The following DLG2 variants were observed in gnomAD, a reference collection of about 807,000 sequenced individuals.
DLG2 encodes disks large homolog 2.
DLG2 carries 45 observed loss-of-function variants against 132.5 expected under a neutral mutation model. That is an observed-to-expected ratio of 0.34 (90% CI 0.27 to 0.44). The LOEUF (loss-of-function observed/expected upper bound fraction) is 0.44, where lower values mean the gene tolerates loss of function less well. Ranked by LOEUF, DLG2 falls within the 20% of genes least tolerant of loss-of-function variation. DLG2 has a pLI of 1.00. For synonymous variants in DLG2, 424 were observed against 419.6 expected (o/e 1.01, Z -0.13); for missense variants, 1,045 against 1,196.9 (o/e 0.87, Z 1.87).
intron 7 of DLG2, among the ~76,000 whole-genome samples, chr11:84,432,342 A>G (rs1056395673): frequency 3.9e-5 from 6 of 152,216 alleles, no homozygotes; most frequent in Non-Finnish European, 7.3e-5. Context: ...ACAAGGTATG[A>G]TGACAGAGAG....
At chr11:83,499,293 C>T (rs1227213790) in intron 21 of DLG2, among the ~76,000 whole-genome samples, 1 of 152,056 alleles carries the variant, frequency 6.6e-6, no homozygotes, top group Non-Finnish European at 1.5e-5. Flanking sequence ...AACATAATGA[C>T]AAAATAGTAT....
At chr11:84,439,687 A>C (rs2099011781) in intron 7 of DLG2, among the ~76,000 whole-genome samples, 1 of 152,142 alleles carries the variant, frequency 6.6e-6, no homozygotes, top group Non-Finnish European at 1.5e-5. Context: ...ACCGTAGCTT[A>C]CTCTAATATT....
At chr11:85,222,606 C>T (rs1306108408) in intron 4 of DLG2, among the ~76,000 whole-genome samples, 1 of 152,136 alleles carries the variant, frequency 6.6e-6, no homozygotes, top group Non-Finnish European at 1.5e-5. Context: ...GTTAATTGGA[C>T]CAAGGTCCAC....
At chr11:84,287,098 A>T (rs2097917284) in intron 7 of DLG2, among the ~76,000 whole-genome samples, 1 of 152,062 alleles carries the variant, frequency 6.6e-6, no homozygotes, top group African/African-American at 2.4e-5. Flanking sequence ...CCAGCATAAA[A>T]TAAGTACCAA....
Position 85,401,542 on chromosome 11 carries a change from T to C in DLG2, c.41-116177A>G, listed in dbSNP as rs1185180215. Among the ~76,000 whole-genome samples the C allele has an allele frequency of 2.6e-5, 4 of 152,166 alleles. No individual in the cohort carries two copies. The South Asian group carries it at 8.3e-4, about 32-fold the overall frequency. ...GGTATTCAATTAGGAAAAGAGGAAG[T>C]CAAATTGTCTCTGTTTGCAGATGAC... On this transcript the variant is annotated intron_variant, in intron 3 of 27. Transcript: ENST00000376104.
chr11:83,596,830 G>A (rs2057672047), intron 19 of DLG2, among the ~76,000 whole-genome samples: 2 of 150,988 alleles, frequency 1.3e-5, no homozygotes, highest in African/African-American at 4.9e-5. Flanking sequence ...TTTTTTTCTG[G>A]TTATTCTTCC....
In DLG2 at chr11:84,128,725, TA is replaced by T. The variant is rs547445315; in HGVS notation, c.625-29679del. 1.2e-4 allele frequency among the ~76,000 whole-genome samples: 18 copies of T among 152,158 alleles called. No homozygotes were observed. The South Asian group carries it at 3.1e-3, about 26-fold the overall frequency. On this transcript the variant is annotated intron_variant, in intron 9 of 27. Transcript: ENST00000376104. ...CAGCTAATTGGATCAATCAGGCATT[TA>T]GGGGGCAATATACACTTCATTGATA...
chr11:85,105,825 G>T (rs1302788021), intron 6 of DLG2, among the ~76,000 whole-genome samples: 2 of 151,890 alleles, frequency 1.3e-5, no homozygotes, highest in African/African-American at 4.8e-5. Flanking sequence ...AGAGGGTGCT[G>T]CCTTCATAGA....
At chr11:84,145,968 AT>A (rs1392193819) in intron 9 of DLG2, among the ~76,000 whole-genome samples, 3 of 152,200 alleles carry the variant, frequency 2.0e-5, no homozygotes, top group Non-Finnish European at 2.9e-5. Flanking sequence ...TAACACACAC[AT>A]TTTTTTCCCT....
intron 6 of DLG2, chr11:84,887,262 T>G (rs894965710): frequency 2.6e-5 from 4 of 152,028 alleles, no homozygotes; most frequent in African/African-American, 9.7e-5. Flanking sequence ...CATCCGGATG[T>G]GAGGTTATAA....
chr11:84,013,553 A>C (rs1464126835), intron 11 of DLG2, among the ~76,000 whole-genome samples: 1 of 152,092 alleles, frequency 6.6e-6, no homozygotes, highest in Non-Finnish European at 1.5e-5. Context: ...TTAATAGCCT[A>C]CAGCAATAGT....
intron 5 of DLG2, among the ~76,000 whole-genome samples, chr11:85,145,373 T>A (rs2076772264): frequency 6.6e-6 from 1 of 152,156 alleles, no homozygotes; most frequent in Non-Finnish European, 1.5e-5. Context: ...TTTTCTAGGT[T>A]TGGAAATGTC....
chr11:84,113,064 A>G (rs1001459971), intron 9 of DLG2, among the ~76,000 whole-genome samples: 2 of 152,190 alleles, frequency 1.3e-5, no homozygotes, highest in Non-Finnish European at 1.5e-5. Context: ...AGCAATGGAG[A>G]TAACTGTTGG....
intron 7 of DLG2, among the ~76,000 whole-genome samples, chr11:84,426,199 C>T (rs1322301399): frequency 2.6e-5 from 4 of 152,050 alleles, no homozygotes; most frequent in Non-Finnish European, 4.4e-5. Flanking sequence ...TAGGGGCGTA[C>T]ATCTTAGTGG....
chr11:83,964,086 G>A (rs191160997), intron 13 of DLG2, among the ~76,000 whole-genome samples: 95 of 151,952 alleles, frequency 6.3e-4, no homozygotes, highest in African/African-American at 2.1e-3. Context: ...TATCTCCTCT[G>A]CATCCCACAT....
At chr11:85,062,315 A>T (rs630015) in intron 6 of DLG2, among the ~76,000 whole-genome samples, 76,686 of 151,556 alleles carry the variant, frequency 0.51, 19,815 homozygotes, top group East Asian at 0.66. Flanking sequence ...TTTGTGTTTG[A>T]TCATTGCATT....
intron 3 of DLG2, among the ~76,000 whole-genome samples, chr11:85,454,822 T>C (rs1350307939): frequency 6.6e-6 from 1 of 152,190 alleles, no homozygotes; most frequent in Non-Finnish European, 1.5e-5. Context: ...GTTAGTTTTG[T>C]GGAAGATCAG....
chr11:85,510,258 A>G (rs916020551), intron 3 of DLG2, among the ~76,000 whole-genome samples: 3 of 152,054 alleles, frequency 2.0e-5, no homozygotes, highest in African/African-American at 7.2e-5. Flanking sequence ...AAGTCATACC[A>G]GGAAGAACTG....
chr11:84,033,771 G>A (rs1270022989), intron 11 of DLG2, among the ~76,000 whole-genome samples: 1 of 152,180 alleles, frequency 6.6e-6, no homozygotes, highest in Non-Finnish European at 1.5e-5. Flanking sequence ...GGGCGCGGTG[G>A]CTCATGCCTG....
Sources: allele counts gnomAD v4.1 joint callset (sites outside exome capture counted in the v4.1 genomes callset), GRCh38; gene constraint gnomAD v4.1.1; transcripts MANE v1.5; gene names NCBI Gene and HGNC (gene_info 2026-07-23, HGNC 2026-07-21).